CYP26B1: variants seen among roughly 807,000 people sequenced by gnomAD.
CYP26B1 encodes cytochrome P450 family 26 subfamily B member 1, also known as cytochrome P450 26B1.
Under a neutral mutation model 39.1 loss-of-function variants are expected in CYP26B1, and 8 were observed. The ratio of observed to expected loss-of-function variants is 0.20; its 90% confidence interval spans 0.12 to 0.37. The LOEUF (loss-of-function observed/expected upper bound fraction) is 0.37, where lower values mean the gene tolerates loss of function less well. CYP26B1 is among the 10% of genes least tolerant of loss of function. The pLI, the probability that CYP26B1 is intolerant of heterozygous loss-of-function variation, is 1.00. For synonymous variants in CYP26B1, 321 were observed against 314.3 expected, an observed-to-expected ratio of 1.02 and a Z score of -0.23; for missense variants, 615 against 707.0, an observed-to-expected ratio of 0.87 and a Z score of 1.48.
Position 72,132,634 on chromosome 2 carries a change from G to C in CYP26B1, c.1147-15C>G. 1.9e-6 allele frequency: 3 copies of C among 1,586,178 alleles called. No individual in the cohort carries two copies. Among genetic ancestry groups the C allele is most frequent in the Non-Finnish European group, 2.6e-6 (3 of 1,166,470 alleles). On this transcript the variant is annotated splice_polypyrimidine_tract_variant and intron_variant, in intron 5 of 5. Coordinates refer to ENST00000001146, the MANE Select transcript of CYP26B1 (RefSeq NM_019885.4). Reference sequence around the variant, plus strand: ...ATCTGGAAACCCTGGAGCAAGATGGGGGCCGAGGAGTGGGTGGTGAGAGCC... The same window carrying C: ...ATCTGGAAACCCTGGAGCAAGATGGCGGCCGAGGAGTGGGTGGTGAGAGCC...
Position 72,135,225 on chromosome 2 carries a change from C to T in CYP26B1, c.624G>A (p.Gly208=). The change falls in exon 3 of 6, where the codon GGG becomes GGA. Residue 208 remains glycine (G), a synonymous_variant. Coordinates refer to ENST00000001146, the MANE Select transcript of CYP26B1 (RefSeq NM_019885.4). ...LGFSIPEEDL[G]HLFEVYQQFV... ...ACTGCTGGTAGACCTCAAAGAGGTG[C>T]CCAAGGTCCTCCTCAGGGATGCTGA... 1.2e-6 allele frequency: 2 copies of T among 1,614,040 alleles called. No individual in the cohort carries two copies. The highest frequency in any genetic ancestry group is 2.2e-5 in the East Asian group (1 of 44,868).
At position 72,135,289 on chromosome 2, in the gene CYP26B1, T is replaced by C; in HGVS notation, c.560A>G (p.Lys187Arg). 1.2e-6 allele frequency: 2 copies of C among 1,614,078 alleles called. No homozygotes were observed. Among genetic ancestry groups the C allele is most frequent in the East Asian group, 4.5e-5 (2 of 44,886 alleles). ...CCGGATGGCCATGCGGAAGGTCAGCTTCTGCGCCTCCTGGTACACGTTGAT... is the reference window on the plus strand; with the variant it reads ...CCGGATGGCCATGCGGAAGGTCAGCCTCTGCGCCTCCTGGTACACGTTGAT... ...EAINVYQEAQ[K>R]LTFRMAIRVL... The change falls in exon 3 of 6, where the codon AAG becomes AGG. Residue 187 changes from lysine (K) to arginine (R), a missense_variant. By Grantham distance (26) the Lys-to-Arg change is conservative (BLOSUM62 2). Transcript: ENST00000001146.
chr2:72,144,580 TC>T, intron 1 of CYP26B1: 1 of 841,342 alleles, frequency 1.2e-6, no homozygotes, highest in Non-Finnish European at 1.4e-6. Context: ...AATAAATATT[TC>T]CAGGCTCCGG....
Position 72,147,436 on chromosome 2 carries a change from G to T in CYP26B1, c.204+195C>A, listed in dbSNP as rs1476361441. ...TACCAGCCCCCTGAACCTGCGCCGC[G>T]GGCGCCAGTGGTCCCGGAACCGCGC... is the stretch of plus-strand genomic sequence containing the variant. On this transcript the variant is annotated intron_variant, in intron 1 of 5. Coordinates refer to ENST00000001146, the MANE Select transcript of CYP26B1 (RefSeq NM_019885.4). The surrounding 1 kb of genome is among the most constrained non-coding windows in gnomAD (Gnocchi z 6.1). 2.6e-5 allele frequency among the ~76,000 whole-genome samples: 4 copies of T among 152,146 alleles called. No homozygotes were observed. The highest frequency in any genetic ancestry group is 4.4e-5 in the Non-Finnish European group (3 of 67,998).
rs201696886 is a variant in CYP26B1 at position 72,134,543 on chromosome 2, A to AT, written c.861+217dup. The stretch of plus-strand genomic sequence containing the variant: ...CCCAGGCCTGAGCTCCCTGCAGGCC[A>AT]TGGGGAGAGAAGGGAGGGTGCCCCA... On this transcript the variant is annotated intron_variant, in intron 4 of 5. Coordinates refer to ENST00000001146, the MANE Select transcript of CYP26B1 (RefSeq NM_019885.4). Among the ~76,000 whole-genome samples, 616 of 152,278 alleles carry AT rather than the reference A, an allele frequency of 4.0e-3. 4 individuals carry two copies. The highest frequency in any genetic ancestry group is 0.013 in the African/African-American group (548 of 41,554).
intron 1 of CYP26B1, among the ~76,000 whole-genome samples, chr2:72,146,695 G>A (rs750516771): frequency 1.6e-4 from 25 of 152,152 alleles, no homozygotes; most frequent in Non-Finnish European, 3.1e-4. Flanking sequence ...ACAAACGCGC[G>A]TACACACAAA....
chr2:72,142,925 C>G (rs571701099), intron 2 of CYP26B1: 2 of 167,256 alleles, frequency 1.2e-5, no homozygotes, highest in Non-Finnish European at 2.9e-5. Context: ...TTTTGTCTGC[C>G]GTTAAGAATT....
chr2:72,143,877 TG>T (rs1677032520), intron 2 of CYP26B1, 111 bp downstream of exon 2: 1 of 1,285,294 alleles, frequency 7.8e-7, no homozygotes. Context: ...TCTTCAAGCA[TG>T]GTGTGCAAAG....
At chr2:72,138,905 G>T (rs543704205) in intron 2 of CYP26B1, among the ~76,000 whole-genome samples, 1 of 152,198 alleles carries the variant, frequency 6.6e-6, no homozygotes, top group Non-Finnish European at 1.5e-5. Flanking sequence ...CCAGGGGCTC[G>T]TGAAGGCTCA....
intron 1 of CYP26B1, among the ~76,000 whole-genome samples, chr2:72,145,142 C>T (rs929055103): frequency 6.6e-6 from 1 of 152,234 alleles, no homozygotes; most frequent in African/African-American, 2.4e-5. Flanking sequence ...GTCTAGCCGC[C>T]CCGCCTGCCA....
chr2:72,133,420 G>C (rs1417670034), intron 4 of CYP26B1, 113 bp from the exon 5 acceptor site: 1 of 1,348,904 alleles, frequency 7.4e-7, no homozygotes, highest in South Asian at 1.3e-5. Context: ...GCCCTGCCTG[G>C]TTCCTGCAGT....
At chr2:72,143,085 C>A (rs878931685) in intron 2 of CYP26B1, 1 of 166,490 alleles carries the variant, frequency 6.0e-6, no homozygotes, top group East Asian at 1.9e-4. Flanking sequence ...CGCTCAGGGA[C>A]GGGGGGCTGC....
intron 1 of CYP26B1, among the ~76,000 whole-genome samples, chr2:72,145,354 A>G (rs926264862): frequency 3.3e-5 from 5 of 152,050 alleles, no homozygotes. Flanking sequence ...ACTTTTCCAC[A>G]TGCGCCTCCG....
intron 1 of CYP26B1, among the ~76,000 whole-genome samples, chr2:72,146,225 G>C (rs1321964392): frequency 6.6e-6 from 1 of 152,210 alleles, no homozygotes; most frequent in Non-Finnish European, 1.5e-5. Context: ...GGATTCAGCA[G>C]ACTGGCTCTA....
Position 72,129,249 on chromosome 2 carries a change from C to T in CYP26B1, c.*2978G>A, listed in dbSNP as rs921821190. The T allele has an allele frequency of 3.9e-5, 6 of 152,260 alleles. No homozygotes were observed. The highest frequency in any genetic ancestry group is 4.4e-5 in the Non-Finnish European group (3 of 68,042). 9.4% of individuals were successfully genotyped at this position (152,260 alleles called of 1,614,324 possible). A position where few individuals can be genotyped will look rare whatever the true frequency, so the allele number is the denominator to read the frequency against. ...CAACGGAGACAAGGGCGGGTCCCCA[C>T]GGTTTATTCTAGAAGCCTATAGAAG... On this transcript the variant is annotated 3_prime_UTR_variant, in exon 6 of 6. Transcript: ENST00000001146.
intron 2 of CYP26B1, 146 bp from the exon 3 acceptor site, chr2:72,135,565 G>C: frequency 8.3e-7 from 1 of 1,199,270 alleles, no homozygotes; most frequent in Non-Finnish European, 1.2e-6. Flanking sequence ...CAGGCCAGCT[G>C]CCAGCAAGTC....
intron 1 of CYP26B1, among the ~76,000 whole-genome samples, chr2:72,146,745 C>G (rs879819852): frequency 1.3e-5 from 2 of 152,228 alleles, no homozygotes; most frequent in Admixed American, 6.5e-5. Flanking sequence ...TCCGCTCCCC[C>G]ACCCCAAGAA....
Position 72,147,537 on chromosome 2 carries a change from G to T in CYP26B1, c.204+94C>A. 1 of 1,312,058 alleles carries T rather than the reference G, an allele frequency of 7.6e-7. No homozygotes were observed. The allele number at this position is 1,312,058 out of a possible 1,614,324, so 81.3% of individuals were successfully genotyped here. A position where few individuals can be genotyped will look rare whatever the true frequency, so the allele number is the denominator to read the frequency against. ...GGCGGGGCGGGGACCAGTGCCTTCAGGCTCCCGGCGCCCCCTGGCCGGCCC... is the reference window on the plus strand; with the variant it reads ...GGCGGGGCGGGGACCAGTGCCTTCATGCTCCCGGCGCCCCCTGGCCGGCCC... On this transcript the variant is annotated intron_variant, in intron 1 of 5. Coordinates refer to ENST00000001146, the MANE Select transcript of CYP26B1 (RefSeq NM_019885.4). This position sits in a 1 kb window ranked among gnomAD's most constrained non-coding sequence, Gnocchi z 6.1.
At chr2:72,137,322 G>A (rs1676806235) in intron 2 of CYP26B1, among the ~76,000 whole-genome samples, 1 of 152,200 alleles carries the variant, frequency 6.6e-6, no homozygotes, top group African/African-American at 2.4e-5. Context: ...TGGCCAAGTG[G>A]CTATCTGCTC....
Sources: allele counts gnomAD v4.1 joint callset (sites outside exome capture counted in the v4.1 genomes callset), GRCh38; gene constraint gnomAD v4.1.1; non-coding constraint Gnocchi (gnomAD v3.1); transcripts MANE v1.5; gene names NCBI Gene and HGNC (gene_info 2026-07-23, HGNC 2026-07-21).